Variants in FAM107A observed in about 807,000 individuals in gnomAD.
FAM107A encodes actin-associated protein FAM107A.
In FAM107A, 19 loss-of-function variants were observed where a neutral mutation model predicts 13.7. The observed-to-expected ratio is 1.38, with a 90% CI of 0.97 to 2.03. The LOEUF (loss-of-function observed/expected upper bound fraction) is 2.03, where lower values mean the gene tolerates loss of function less well. Among genes scored for constraint, FAM107A ranks in the 30% most tolerant of loss-of-function variants. The pLI is 0.00. For synonymous variants in FAM107A, 82 were observed against 74.5 expected (o/e 1.10, Z -0.52); for missense variants, 203 against 184.4 (o/e 1.10, Z -0.58).
chr3:58,615,178 C>T (rs374092963), intron 1 of FAM107A, among the ~76,000 whole-genome samples: 10 of 152,326 alleles, frequency 6.6e-5, no homozygotes, highest in African/African-American at 2.4e-4. Flanking sequence ...TTCTCTATTA[C>T]GTTTTTAAAG....
chr3:58,613,657 C>A lies in FAM107A; in HGVS notation c.-70+13759G>T, dbSNP rs1257807005. 6.6e-6 allele frequency among the ~76,000 whole-genome samples: 1 copy of A among 152,180 alleles called. No homozygotes were observed. The highest frequency in any genetic ancestry group is 1.5e-5 in the Non-Finnish European group (1 of 68,018). On this transcript the variant is annotated intron_variant, in intron 1 of 3. Coordinates refer to the FAM107A transcript ENST00000465970. The surrounding 1 kb of genome is among the most constrained non-coding windows in gnomAD (Gnocchi z 4.6). Reference sequence around the variant, plus strand: ...TCAGGACTCTGCTTAGATGGCACCTCCTCCAGGAAGCCTTCCCTGATATTC... The same window carrying A: ...TCAGGACTCTGCTTAGATGGCACCTACTCCAGGAAGCCTTCCCTGATATTC...
intron 1 of FAM107A, among the ~76,000 whole-genome samples, chr3:58,600,004 T>G (rs953685170): frequency 6.6e-6 from 1 of 152,034 alleles, no homozygotes; most frequent in Admixed American, 6.6e-5. Context: ...TGCGTGTTAT[T>G]CTTCGGCAAA....
chr3:58,627,193 C>T (rs187863056), intron 1 of FAM107A: 6 of 590,834 alleles, frequency 1.0e-5, no homozygotes, highest in African/African-American at 1.9e-5. Context: ...AGGCTTAGGG[C>T]GATTGATCCT....
chr3:58,626,061 G>A (rs547729528), intron 1 of FAM107A, among the ~76,000 whole-genome samples: 2 of 152,342 alleles, frequency 1.3e-5, no homozygotes, highest in South Asian at 2.1e-4. Flanking sequence ...GAGGGGTTCA[G>A]GTCATCGCCA....
chr3:58,608,263 G>C (rs2065816449), intron 1 of FAM107A, among the ~76,000 whole-genome samples: 2 of 151,942 alleles, frequency 1.3e-5, no homozygotes, highest in Middle Eastern at 3.2e-3. Context: ...GAGTTACCCT[G>C]ATTTTTAATT....
chr3:58,581,281 G>A (rs999263836), upstream of FAM107A, among the ~76,000 whole-genome samples: 2 of 152,248 alleles, frequency 1.3e-5, no homozygotes, highest in African/African-American at 4.8e-5. Context: ...GAACCCAAAG[G>A]AAGGGGGACA....
chr3:58,574,834 G>T (rs2063717267), intron 1 of FAM107A, among the ~76,000 whole-genome samples: 1 of 152,194 alleles, frequency 6.6e-6, no homozygotes, highest in South Asian at 2.1e-4. Flanking sequence ...AGGCTCCACA[G>T]GATGTTGGCC....
At chr3:58,612,895 TTTA>T (rs1398817866) in intron 1 of FAM107A, among the ~76,000 whole-genome samples, 2 of 100,614 alleles carry the variant, frequency 2.0e-5, no homozygotes, top group African/African-American at 3.2e-5. Context: ...TGGAGTCATG[TTTA>T]TTTTTATTGT....
At chr3:58,587,815 G>C (rs746638074), upstream of FAM107A, among the ~76,000 whole-genome samples, 4 of 152,046 alleles carry the variant, frequency 2.6e-5, no homozygotes, top group Non-Finnish European at 5.9e-5. Flanking sequence ...TTCTGTGTCT[G>C]GTGCTAAGTT....
intron 1 of FAM107A, among the ~76,000 whole-genome samples, chr3:58,624,022 G>A (rs564348792): frequency 3.9e-5 from 6 of 152,314 alleles, no homozygotes; most frequent in African/African-American, 9.6e-5. Context: ...GGAGGACGGC[G>A]TGCCCACACT....
upstream of FAM107A, chr3:58,589,207 T>G (rs1312017986): frequency 6.5e-7 from 1 of 1,531,780 alleles, no homozygotes; most frequent in Admixed American, 2.0e-5. Flanking sequence ...CTGACTTACC[T>G]GAGCCATTTC....
chr3:58,591,760 C>T (rs549974452), upstream of FAM107A, among the ~76,000 whole-genome samples: 2 of 152,190 alleles, frequency 1.3e-5, no homozygotes, highest in Non-Finnish European at 2.9e-5. This position sits in a 1 kb window ranked among gnomAD's most constrained non-coding sequence, Gnocchi z 4.3. Flanking sequence ...TCTTTCAGCC[C>T]TGCTTCCTTC....
upstream of FAM107A, chr3:58,577,747 C>T: frequency 1.0e-6 from 1 of 985,184 alleles, no homozygotes; most frequent in Non-Finnish European, 1.2e-6. This position sits in a 1 kb window ranked among gnomAD's most constrained non-coding sequence, Gnocchi z 4.9. Flanking sequence ...GGAGGGGAAG[C>T]CAAGCTTCCT....
At chr3:58,589,121 A>C, upstream of FAM107A, 2 of 863,766 alleles carry the variant, frequency 2.3e-6, no homozygotes, top group Non-Finnish European at 3.7e-6. Context: ...ACTCAGGGAA[A>C]TTGTGGCCAT....
chr3:58,586,976 C>A (rs1246280971), exon 1 of FAM107A: 3 of 1,496,954 alleles, frequency 2.0e-6, no homozygotes, highest in Non-Finnish European at 1.8e-6. Context: ...ACTGCTGGCC[C>A]CGCGAGCGCA....
chr3:58,620,286 C>T (rs950161976), intron 1 of FAM107A, among the ~76,000 whole-genome samples: 3 of 152,098 alleles, frequency 2.0e-5, no homozygotes, highest in Non-Finnish European at 4.4e-5. Flanking sequence ...GTCATGGGGT[C>T]CCTGAGGAAC....
chr3:58,624,879 G>A (rs572881507), intron 1 of FAM107A, among the ~76,000 whole-genome samples: 161 of 152,268 alleles, frequency 1.1e-3, no homozygotes, highest in Non-Finnish European at 1.9e-3. Flanking sequence ...CAACTGACAG[G>A]GACGGCCTCA....
At position 58,569,686 on chromosome 3, in the gene FAM107A, C is replaced by A; in HGVS notation, c.170+5G>T. The A allele has an allele frequency of 6.2e-7, 1 of 1,611,052 alleles. No homozygotes were observed. Among genetic ancestry groups the A allele is most frequent in the East Asian group, 2.2e-5 (1 of 44,754 alleles). ...GGGGCCCAGGCAGCAGGGCTTCATCCCTACCTTCTGTGGTTCATGAGCAGC... is the reference window on the plus strand; with the variant it reads ...GGGGCCCAGGCAGCAGGGCTTCATCACTACCTTCTGTGGTTCATGAGCAGC... On this transcript the variant is annotated splice_donor_5th_base_variant and intron_variant, in intron 2 of 3. Transcript: ENST00000360997. This position sits in a 1 kb window ranked among gnomAD's most constrained non-coding sequence, Gnocchi z 5.7.
Position 58,566,124 on chromosome 3 carries a change from C to T in FAM107A, c.*464G>A, listed in dbSNP as rs1321472054. ...CCTCAGTGGCTTTGAAGGCAGGTGT[C>T]CTTGAAGCTAAGCTCTGCTGGCTGC... On this transcript the variant is annotated 3_prime_UTR_variant, in exon 4 of 4. Coordinates refer to ENST00000360997, the MANE Select transcript of FAM107A (RefSeq NM_001076778.3). 1 of 153,964 alleles carries T rather than the reference C, an allele frequency of 6.5e-6. No individual in the cohort carries two copies. The highest frequency in any genetic ancestry group is 1.4e-5 in the Non-Finnish European group (1 of 69,314). The allele number at this position is 153,964 out of a possible 1,614,324, so 9.5% of individuals were successfully genotyped here. A position where few individuals can be genotyped will look rare whatever the true frequency, so the allele number is the denominator to read the frequency against.
Sources: gnomAD v4.1 joint callset for allele counts (sites outside exome capture counted in the v4.1 genomes callset) on GRCh38, gnomAD v4.1.1 for gene constraint, Gnocchi (gnomAD v3.1) non-coding constraint, MANE v1.5 for transcripts, NCBI Gene and HGNC (gene_info 2026-07-23, HGNC 2026-07-21) for gene names.